MTMR3: variants seen among roughly 807,000 people sequenced by gnomAD.
The protein encoded by MTMR3 is phosphatidylinositol-3,5-bisphosphate 3-phosphatase MTMR3.
Under a neutral mutation model 132.4 loss-of-function variants are expected in MTMR3, and 32 were observed. The ratio of observed to expected loss-of-function variants is 0.24; its 90% CI spans 0.18 to 0.32. The LOEUF (loss-of-function observed/expected upper bound fraction) is 0.32, where lower values mean the gene tolerates loss of function less well. MTMR3 is among the 10% of genes least tolerant of loss of function. The probability of loss-of-function intolerance (pLI) is 1.00; values close to 1 mark genes in which losing one functional copy is unlikely to be tolerated. For synonymous variants in MTMR3, 556 were observed against 550.3 expected, an observed-to-expected ratio of 1.01 and a Z score of -0.14; for missense variants, 1,216 against 1,489.6, an observed-to-expected ratio of 0.82 and a Z score of 3.02.
chr22:29,978,300 C>G (rs1003922691), intron 3 of MTMR3, 142 bp from the exon 4 acceptor site: 2 of 550,422 alleles, frequency 3.6e-6, no homozygotes, highest in Non-Finnish European at 6.5e-6. Context: ...TTTTTAAGAT[C>G]AATATTGTTT....
chr22:29,978,271 A>T (rs888638605), intron 3 of MTMR3, 171 bp from the exon 4 acceptor site: 6 of 467,982 alleles, frequency 1.3e-5, no homozygotes, highest in Middle Eastern at 5.7e-4. Flanking sequence ...GATGTAACTA[A>T]TGTATTGGAT....
At chr22:29,962,182 G>A (rs2066325046) in intron 2 of MTMR3, among the ~76,000 whole-genome samples, 2 of 152,302 alleles carry the variant, frequency 1.3e-5, no homozygotes, top group East Asian at 1.9e-4. Flanking sequence ...ATGAACTAAA[G>A]GGCAGTAAGG....
At chr22:29,947,512 AAAC>A (rs1487528071) in intron 1 of MTMR3, among the ~76,000 whole-genome samples, 1 of 151,576 alleles carries the variant, frequency 6.6e-6, no homozygotes, top group African/African-American at 2.4e-5. Flanking sequence ...TAAAAAAAAA[AAAC>A]AAAAAACCCT....
At chr22:29,915,798 A>T (rs955279208) in intron 1 of MTMR3, among the ~76,000 whole-genome samples, 1 of 152,104 alleles carries the variant, frequency 6.6e-6, no homozygotes, top group Admixed American at 6.5e-5. Flanking sequence ...GTTAGGTTTC[A>T]GTCTACCATT....
At chr22:29,965,609 C>T (rs990124703) in intron 2 of MTMR3, among the ~76,000 whole-genome samples, 2 of 152,132 alleles carry the variant, frequency 1.3e-5, no homozygotes, top group South Asian at 2.1e-4. Context: ...CACTTGAATC[C>T]GGGAGGCAGA....
At chr22:29,892,430 T>C (rs1323341050) in intron 1 of MTMR3, among the ~76,000 whole-genome samples, 1 of 152,120 alleles carries the variant, frequency 6.6e-6, no homozygotes, top group African/African-American at 2.4e-5. Flanking sequence ...AGAGACTGAG[T>C]GAAGGTATGA....
At chr22:29,947,461 T>G (rs1052551233) in intron 1 of MTMR3, among the ~76,000 whole-genome samples, 2 of 151,774 alleles carry the variant, frequency 1.3e-5, no homozygotes, top group Non-Finnish European at 2.9e-5. Context: ...TGAGAAAGTT[T>G]TCCTCTTATG....
chr22:29,964,196 A>G (rs972552545), intron 2 of MTMR3, among the ~76,000 whole-genome samples: 1 of 152,250 alleles, frequency 6.6e-6, no homozygotes, highest in Admixed American at 6.5e-5. Context: ...TCAGACTAAC[A>G]GTAATGACTC....
At position 29,953,721 on chromosome 22, in the gene MTMR3, T is replaced by C. The variant is rs543806035; in HGVS notation, c.-137-3315T>C. On this transcript the variant is annotated intron_variant, in intron 1 of 19. Transcript: ENST00000401950. ...TGTGATGGTGAAAGTTTTACCCTCT[T>C]ATTTCAGATAACTTCCAGAAAGGTG... is the stretch of plus-strand genomic sequence containing the variant. Among the ~76,000 whole-genome samples, 19 of 152,326 alleles carry C rather than the reference T, an allele frequency of 1.2e-4. No individual in the cohort carries two copies. The South Asian group carries it at 3.5e-3, about 28-fold the overall frequency.
At chr22:29,902,568 G>A (rs575570431) in intron 1 of MTMR3, among the ~76,000 whole-genome samples, 3 of 151,802 alleles carry the variant, frequency 2.0e-5, no homozygotes, top group African/African-American at 7.3e-5. Context: ...GGGGTTTCAC[G>A]ATATTGGCCA....
intron 1 of MTMR3, among the ~76,000 whole-genome samples, chr22:29,944,546 G>A (rs953378624): frequency 2.6e-5 from 4 of 152,130 alleles, no homozygotes; most frequent in Non-Finnish European, 4.4e-5. Context: ...TAGTATTTGT[G>A]GACTTCCAAA....
At chr22:29,893,719 A>G (rs1387138701) in intron 1 of MTMR3, among the ~76,000 whole-genome samples, 16 of 152,152 alleles carry the variant, frequency 1.1e-4, no homozygotes, top group Admixed American at 1.0e-3. Flanking sequence ...GAATGGAAAT[A>G]TTAGTAGTGA....
rs144821583 is a variant in MTMR3 at position 30,019,951 on chromosome 22, C to T, written c.2292C>T (p.Gly764=). 8.3e-4 allele frequency: 1,342 copies of T among 1,614,202 alleles called. 13 individuals carry two copies. The African/African-American group carries it at 0.016, about 19-fold the overall frequency. Residue 764 remains glycine, a synonymous_variant, in exon 17 of 20, where the codon GGC becomes GGT. Coordinates refer to ENST00000401950, the MANE Select transcript of MTMR3 (RefSeq NM_021090.4). Reference sequence around the variant, plus strand: ...TGAGCTGGCCTCTGTTCTCACAGGGCATTTCTGAACAGCAGAGTGGGCTCA... The same window carrying T: ...TGAGCTGGCCTCTGTTCTCACAGGGTATTTCTGAACAGCAGAGTGGGCTCA... ...LDMSWPLFSQ[G]ISEQQSGLSV...
At chr22:29,902,340 A>G (rs572124269) in intron 1 of MTMR3, among the ~76,000 whole-genome samples, 2 of 152,250 alleles carry the variant, frequency 1.3e-5, no homozygotes, top group African/African-American at 4.8e-5. Flanking sequence ...AGTAGCTTTT[A>G]AATTGTCAAT....
Position 30,020,403 on chromosome 22 carries a change from G to C in MTMR3, c.2744G>C (p.Cys915Ser). The C allele has an allele frequency of 6.2e-7, 1 of 1,614,168 alleles. No homozygotes were observed. Among genetic ancestry groups the C allele is most frequent in the Non-Finnish European group, 8.5e-7 (1 of 1,180,032 alleles). Residue 915 changes from cysteine (C) to serine (S), a missense_variant, in exon 17 of 20, where the codon TGT becomes TCT. Physicochemically the swap from Cys to Ser is moderately radical, Grantham distance 112 (BLOSUM62 -1). Transcript: ENST00000401950. The stretch of plus-strand genomic sequence containing the variant: ...ACTCTCAGCCTGACACGTTCCCCTT[G>C]TGCCTTGCCTTTAGCCGAATGTAAA... ...GSTLSLTRSP[C>S]ALPLAECKEG...
chr22:30,011,190 T>C (rs1002907874), intron 12 of MTMR3: 1 of 152,152 alleles, frequency 6.6e-6, no homozygotes, highest in African/African-American at 2.4e-5. Flanking sequence ...TCTGACTCAG[T>C]GTTTGAAAGA....
chr22:29,948,859 CTT>C (rs927474878), intron 1 of MTMR3, among the ~76,000 whole-genome samples: 2 of 150,930 alleles, frequency 1.3e-5, no homozygotes, highest in African/African-American at 4.9e-5. Flanking sequence ...AATTCCAACA[CTT>C]TGGGAGGCTG....
intron 1 of MTMR3, among the ~76,000 whole-genome samples, chr22:29,892,714 G>A (rs1038835757): frequency 3.3e-5 from 5 of 152,140 alleles, no homozygotes; most frequent in African/African-American, 7.2e-5. Context: ...GGCAGAGAAA[G>A]ATAATACTAA....
Position 29,931,030 on chromosome 22 carries a change from A to C in MTMR3, c.-137-26006A>C, listed in dbSNP as rs145177305. ...TCTCAAAAGAAAAAAAAAAAAAAAA[A>C]AACTTAAAAATGACCTAACTTTGAG... On this transcript the variant is annotated intron_variant, in intron 1 of 19. Transcript: ENST00000401950. 6.0e-3 allele frequency among the ~76,000 whole-genome samples: 918 copies of C among 152,008 alleles called. 4 individuals carry two copies. Among genetic ancestry groups the C allele is most frequent in the Non-Finnish European group, 0.011 (733 of 67,938 alleles).
Sources: gnomAD v4.1 joint callset for allele counts (sites outside exome capture counted in the v4.1 genomes callset) on GRCh38, gnomAD v4.1.1 for gene constraint, MANE v1.5 for transcripts, NCBI Gene and HGNC (gene_info 2026-07-23, HGNC 2026-07-21) for gene names.